Variants in SLC22A4 observed in about 807,000 individuals in gnomAD.
SLC22A4 encodes the protein ET transporter.
A neutral mutation model predicts 56.6 loss-of-function variants in SLC22A4; 39 were observed. The ratio of observed to expected loss-of-function variants is 0.69; its 90% CI spans 0.53 to 0.90. The LOEUF is 0.90. Among genes scored for constraint, SLC22A4 ranks in the 40% least tolerant of loss-of-function variants. The pLI is 0.00. For synonymous variants in SLC22A4, 241 were observed against 281.4 expected (o/e 0.86, Z 1.44); for missense variants, 594 against 696.5 (o/e 0.85, Z 1.66).
intron 4 of SLC22A4, among the ~76,000 whole-genome samples, chr5:132,326,443 C>T (rs1395967279): frequency 6.6e-6 from 1 of 152,176 alleles, no homozygotes; most frequent in Non-Finnish European, 1.5e-5. Flanking sequence ...CAATGCATAT[C>T]ATTTTTCTCC....
intron 3 of SLC22A4, among the ~76,000 whole-genome samples, chr5:132,315,998 G>C (rs1404495374): frequency 1.3e-5 from 2 of 152,222 alleles, no homozygotes; most frequent in African/African-American, 4.8e-5. Flanking sequence ...CTTCCCTACA[G>C]TGCAGCAGTG....
intron 4 of SLC22A4, among the ~76,000 whole-genome samples, chr5:132,324,025 T>C (rs1393790937): frequency 6.6e-6 from 1 of 152,102 alleles, no homozygotes; most frequent in East Asian, 1.9e-4. Flanking sequence ...AAACCCTGTC[T>C]GTACTAAAAA....
intron 3 of SLC22A4, among the ~76,000 whole-genome samples, chr5:132,317,921 C>A (rs995297696): frequency 2.6e-5 from 4 of 152,210 alleles, no homozygotes; most frequent in African/African-American, 9.6e-5. Flanking sequence ...ATTTGCATTG[C>A]ACCGTAAGAG....
At chr5:132,303,366 G>A (rs147648660) in intron 1 of SLC22A4, among the ~76,000 whole-genome samples, 17 of 152,148 alleles carry the variant, frequency 1.1e-4, no homozygotes, top group Admixed American at 7.9e-4. Context: ...CAAGAAAGTC[G>A]ACTATACCTT....
intron 1 of SLC22A4, among the ~76,000 whole-genome samples, chr5:132,307,137 AAAG>A (rs1327073670): frequency 2.0e-5 from 3 of 152,210 alleles, no homozygotes; most frequent in African/African-American, 7.2e-5. Context: ...TTGTTACAAA[AAAG>A]TAATTAACTA....
intron 1 of SLC22A4, among the ~76,000 whole-genome samples, chr5:132,309,139 G>A (rs1462035898): frequency 6.6e-6 from 1 of 152,180 alleles, no homozygotes; most frequent in Non-Finnish European, 1.5e-5. Context: ...CCTAAGAAAA[G>A]CCTTTTCTAA....
chr5:132,321,952 A>C (rs1580835173), intron 3 of SLC22A4, among the ~76,000 whole-genome samples: 1 of 151,920 alleles, frequency 6.6e-6, no homozygotes, highest in African/African-American at 2.4e-5. Context: ...ATAAATAAAT[A>C]AATCTATGGC....
At chr5:132,309,172 G>GCT (rs1334379574) in intron 1 of SLC22A4, among the ~76,000 whole-genome samples, 1 of 152,236 alleles carries the variant, frequency 6.6e-6, no homozygotes, top group African/African-American at 2.4e-5. Context: ...AGGACTGGCA[G>GCT]CTGATTTACT....
In SLC22A4 at chr5:132,335,896, T is replaced by C; in HGVS notation, c.1340T>C (p.Phe447Ser). Residue 447 changes from phenylalanine to serine, a missense_variant, in exon 8 of 10, where the codon TTC becomes TCC. By Grantham distance (155) the Phe-to-Ser change is radical. Transcript: ENST00000200652. ...ITSAFSMLYV[F>S]TAELYPTLVR... Reference sequence around the variant, plus strand: ...TCTGCTTTCTCCATGCTGTATGTCTTCACTGCTGAGCTCTACCCAACCCTG... The same window carrying C: ...TCTGCTTTCTCCATGCTGTATGTCTCCACTGCTGAGCTCTACCCAACCCTG... 2 of 1,614,174 alleles carry C rather than the reference T, an allele frequency of 1.2e-6. No individual in the cohort carries two copies. The highest frequency in any genetic ancestry group is 1.7e-6 in the Non-Finnish European group (2 of 1,180,032).
chr5:132,302,889 C>T (rs1749937088), intron 1 of SLC22A4, among the ~76,000 whole-genome samples: 2 of 152,208 alleles, frequency 1.3e-5, no homozygotes, highest in Admixed American at 6.5e-5. Context: ...ATCAGTGAGG[C>T]TTTTCCATCT....
intron 1 of SLC22A4, among the ~76,000 whole-genome samples, chr5:132,302,838 G>GTTCTTCTGCTT (rs1749936130): frequency 6.6e-6 from 1 of 152,146 alleles, no homozygotes; most frequent in Non-Finnish European, 1.5e-5. Context: ...ACACTCACTG[G>GTTCTTCTGCTT]TTCTTCTGCT....
At chr5:132,328,846 C>T (rs1452420527) in intron 5 of SLC22A4, among the ~76,000 whole-genome samples, 1 of 148,784 alleles carries the variant, frequency 6.7e-6, no homozygotes, top group African/African-American at 2.6e-5. Context: ...TATACACACA[C>T]ACACACACAC....
At chr5:132,318,557 A>G (rs1282009084) in intron 3 of SLC22A4, among the ~76,000 whole-genome samples, 1 of 152,070 alleles carries the variant, frequency 6.6e-6, no homozygotes, top group African/African-American at 2.4e-5. Flanking sequence ...ATGAAGGTGC[A>G]TGTCCTGCCT....
At chr5:132,312,063 G>T in intron 1 of SLC22A4, 98 bp from the exon 2 acceptor site, 1 of 810,192 alleles carries the variant, frequency 1.2e-6, no homozygotes, top group Admixed American at 1.7e-5. Flanking sequence ...GGGGAGGAGA[G>T]TCTGCCCGCC....
At chr5:132,296,827 G>C (rs1051436012) in intron 1 of SLC22A4, among the ~76,000 whole-genome samples, 1 of 152,174 alleles carries the variant, frequency 6.6e-6, no homozygotes, top group African/African-American at 2.4e-5. Context: ...TCCATTGCTC[G>C]CTGGTTTTGT....
At chr5:132,303,051 A>G (rs1254818558) in intron 1 of SLC22A4, among the ~76,000 whole-genome samples, 1 of 152,278 alleles carries the variant, frequency 6.6e-6, no homozygotes, top group Non-Finnish European at 1.5e-5. Context: ...ATATTGACAA[A>G]TCATATATCT....
At chr5:132,343,369 A>T (rs1398473614) in intron 9 of SLC22A4, among the ~76,000 whole-genome samples, 5 of 152,238 alleles carry the variant, frequency 3.3e-5, no homozygotes, top group African/African-American at 1.2e-4. Context: ...CCTGGCCTTG[A>T]TAAAGGTAAC....
intron 3 of SLC22A4, among the ~76,000 whole-genome samples, chr5:132,317,924 C>T (rs1750409545): frequency 6.6e-6 from 1 of 152,138 alleles, no homozygotes; most frequent in Non-Finnish European, 1.5e-5. Context: ...TGCATTGCAC[C>T]GTAAGAGGGA....
At chr5:132,323,834 G>T (rs1038544201) in intron 4 of SLC22A4, among the ~76,000 whole-genome samples, 12 of 152,202 alleles carry the variant, frequency 7.9e-5, no homozygotes, top group African/African-American at 2.7e-4. Context: ...TCAGCTGAAT[G>T]GTTTTAATAA....
Sources: gnomAD v4.1 joint callset for allele counts (sites outside exome capture counted in the v4.1 genomes callset) on GRCh38, gnomAD v4.1.1 for gene constraint, MANE v1.5 for transcripts, NCBI Gene and HGNC (gene_info 2026-07-23, HGNC 2026-07-21) for gene names.